SLC26A8: variants seen among roughly 807,000 people sequenced by gnomAD.
The protein encoded by SLC26A8 is solute carrier family 26 member 8, also known as testis anion transporter 1.
Under a neutral mutation model 105.0 loss-of-function variants are expected in SLC26A8, and 70 were observed. The ratio of observed to expected loss-of-function variants is 0.67; its 90% confidence interval spans 0.55 to 0.81. SLC26A8 has a LOEUF of 0.81. SLC26A8 is among the 40% of genes least tolerant of loss of function. The probability of loss-of-function intolerance (pLI) is 0.00; values close to 1 mark genes in which losing one functional copy is unlikely to be tolerated. For missense variants in SLC26A8, 998 were observed against 1,181.8 expected, an observed-to-expected ratio of 0.84 and a Z score of 2.28; for synonymous variants, 415 against 438.3, an observed-to-expected ratio of 0.95 and a Z score of 0.66.
At chr6:36,017,359 C>T (rs558891880) in intron 2 of SLC26A8, among the ~76,000 whole-genome samples, 49 of 152,178 alleles carry the variant, frequency 3.2e-4, no homozygotes, top group Middle Eastern at 6.8e-3. Flanking sequence ...ACATCAGGTG[C>T]GGTGGCTCAC....
chr6:35,979,681 TTAGTAAAG>T (rs1773193075), intron 8 of SLC26A8, among the ~76,000 whole-genome samples: 1 of 152,134 alleles, frequency 6.6e-6, no homozygotes. Flanking sequence ...CCAATCTATA[TTAGTAAAG>T]CTTGAATATT....
intron 7 of SLC26A8, among the ~76,000 whole-genome samples, chr6:35,986,510 G>A (rs539985579): frequency 9.9e-5 from 15 of 151,904 alleles, no homozygotes; most frequent in Non-Finnish European, 1.3e-4. Context: ...CCACTCTCCC[G>A]CAACTCTAGA....
At chr6:36,016,695 C>G (rs912880978) in intron 2 of SLC26A8, among the ~76,000 whole-genome samples, 1 of 152,076 alleles carries the variant, frequency 6.6e-6, no homozygotes, top group South Asian at 2.1e-4. Flanking sequence ...CAACCAAGAC[C>G]GTTTACTAGG....
rs759158549 is a variant in SLC26A8, at chr6:36,012,242, C to T, written c.319G>A (p.Val107Ile). 1 of 1,612,324 alleles carries T rather than the reference C, an allele frequency of 6.2e-7. No individual in the cohort carries two copies. The highest frequency in any genetic ancestry group is 8.5e-7 in the Non-Finnish European group (1 of 1,179,458). The part of the protein sequence containing the change: ...LAGISVGLVQ[V>I]PQGLTLSLLA... ...TTCATATCTTCCTTACCTTGGGGAA[C>T]TTGCACAAGGCCAACACTTATACCA... The change falls in exon 3 of 20, where the codon GTT becomes ATT. Residue 107 changes from valine (V) to isoleucine (I), a missense_variant. Coordinates refer to ENST00000490799, the MANE Select transcript of SLC26A8 (RefSeq NM_052961.4).
chr6:35,959,392 A>T, intron 16 of SLC26A8, 68 bp downstream of exon 16: 1 of 1,456,506 alleles, frequency 6.9e-7, no homozygotes, highest in Non-Finnish European at 9.2e-7. Context: ...TTTTTTTTTT[A>T]AGAAATGACT....
intron 8 of SLC26A8, among the ~76,000 whole-genome samples, chr6:35,980,930 T>C (rs1773241277): frequency 6.6e-6 from 1 of 151,972 alleles, no homozygotes; most frequent in South Asian, 2.1e-4. Flanking sequence ...GAGAATCACT[T>C]GAACCCGGGA....
intron 11 of SLC26A8, among the ~76,000 whole-genome samples, chr6:35,963,584 C>T (rs1039904840): frequency 3.9e-5 from 6 of 152,200 alleles, no homozygotes; most frequent in African/African-American, 1.2e-4. Flanking sequence ...CGACCACTCA[C>T]AGGTGCCAGG....
At chr6:36,017,089 T>C (rs1396319389) in intron 2 of SLC26A8, among the ~76,000 whole-genome samples, 2 of 151,806 alleles carry the variant, frequency 1.3e-5, no homozygotes, top group Admixed American at 6.6e-5. Flanking sequence ...GAGAATCGCT[T>C]GAACTTGGGA....
Position 35,985,692 on chromosome 6 carries a change from CAAAAAAAAAAAAAA to C in SLC26A8, c.943-3503_943-3490del, listed in dbSNP as rs58199602. Among the ~76,000 whole-genome samples the C allele has an allele frequency of 1.7e-4, 8 of 46,950 alleles. No homozygotes were observed. The East Asian group carries it at 3.1e-3, about 18-fold the overall frequency. The allele number at this position is 46,950 out of a possible 152,430, so 30.8% of individuals were successfully genotyped here. A position where few individuals can be genotyped will look rare whatever the true frequency, so the allele number is the denominator to read the frequency against. ...TAGGAGACAGAGCAAGACTCCGTCTCAAAAAAAAAAAAAAAAAAAAAAAAAAAAAGAGGGCTGCT... is the reference window on the plus strand; with the variant it reads ...TAGGAGACAGAGCAAGACTCCGTCTCAAAAAAAAAAAAAAAGAGGGCTGCT... On this transcript the variant is annotated intron_variant, in intron 7 of 19. Coordinates refer to ENST00000490799, the MANE Select transcript of SLC26A8 (RefSeq NM_052961.4).
intron 14 of SLC26A8, 59 bp from the exon 15 acceptor site, chr6:35,959,865 A>C (rs557347002): frequency 1.5e-6 from 2 of 1,291,302 alleles, no homozygotes; most frequent in Admixed American, 2.0e-5. Context: ...GAATAAGAAT[A>C]ATATATCCTT....
chr6:36,002,676 G>T lies in SLC26A8; in HGVS notation c.329-2568C>A, dbSNP rs529843079. Reference sequence around the variant, plus strand: ...TAAAGCCTTTGTTGCGTATTGTTTTGCAAGTATCTCCCATTTTGTGATTTG... The same window carrying T: ...TAAAGCCTTTGTTGCGTATTGTTTTTCAAGTATCTCCCATTTTGTGATTTG... On this transcript the variant is annotated intron_variant, in intron 3 of 19. Transcript: ENST00000490799. 7.3e-5 allele frequency among the ~76,000 whole-genome samples: 11 copies of T among 150,466 alleles called. No homozygotes were observed. The East Asian group carries it at 1.7e-3, about 24-fold the overall frequency.
At chr6:35,951,094 A>AC (rs1349264616) in intron 19 of SLC26A8, 69 bp downstream of exon 19, 4 of 667,022 alleles carry the variant, frequency 6.0e-6, no homozygotes, top group East Asian at 3.9e-5. Context: ...GCCCCCAACC[A>AC]CCCCTCACCC....
intron 7 of SLC26A8, among the ~76,000 whole-genome samples, chr6:35,987,481 C>T (rs1270661079): frequency 1.3e-5 from 2 of 152,124 alleles, no homozygotes; most frequent in African/African-American, 4.8e-5. Flanking sequence ...ATGCCATTCT[C>T]CTGCCTCAGC....
intron 11 of SLC26A8, among the ~76,000 whole-genome samples, chr6:35,963,567 C>T (rs528589339): frequency 1.3e-5 from 2 of 152,278 alleles, no homozygotes; most frequent in South Asian, 4.1e-4. Flanking sequence ...TTTCCCAACC[C>T]ACAAGTCGAC....
intron 1 of SLC26A8, among the ~76,000 whole-genome samples, chr6:36,021,315 G>C (rs1443217369): frequency 6.6e-6 from 1 of 152,054 alleles, no homozygotes; most frequent in Non-Finnish European, 1.5e-5. Flanking sequence ...ATATTGAAAT[G>C]TAAGGAATCC....
At chr6:36,001,906 A>G (rs1562063115) in intron 3 of SLC26A8, among the ~76,000 whole-genome samples, 1 of 152,194 alleles carries the variant, frequency 6.6e-6, no homozygotes, top group Non-Finnish European at 1.5e-5. Context: ...GATAACTGCA[A>G]TCTCACGAGA....
intron 9 of SLC26A8, 132 bp from the exon 10 acceptor site, chr6:35,975,620 A>G (rs1772979919): frequency 1.7e-6 from 1 of 586,430 alleles, no homozygotes; most frequent in African/African-American, 1.9e-5. Context: ...ACAGATTGAA[A>G]TATTATTAGA....
At chr6:36,017,328 A>T (rs1189207031) in intron 2 of SLC26A8, among the ~76,000 whole-genome samples, 1 of 152,198 alleles carries the variant, frequency 6.6e-6, no homozygotes, top group Non-Finnish European at 1.5e-5. Context: ...ATTGGATTTC[A>T]TCAAAATTAA....
intron 3 of SLC26A8, among the ~76,000 whole-genome samples, chr6:36,009,015 A>G (rs781623432): frequency 1.3e-5 from 2 of 152,238 alleles, no homozygotes; most frequent in Non-Finnish European, 2.9e-5. Context: ...TACACTCCTA[A>G]GCATTTATCC....
Sources: allele counts gnomAD v4.1 joint callset (sites outside exome capture counted in the v4.1 genomes callset), GRCh38; gene constraint gnomAD v4.1.1; transcripts MANE v1.5; gene names NCBI Gene and HGNC (gene_info 2026-07-23, HGNC 2026-07-21).